Variants in TRAPPC10 observed in about 807,000 individuals in gnomAD.
The protein encoded by TRAPPC10 is TRAPP 130 kDa subunit.
Under a neutral mutation model 125.5 loss-of-function variants are expected in TRAPPC10, and 23 were observed. The ratio of observed to expected loss-of-function variants is 0.18; its 90% CI spans 0.13 to 0.26. The LOEUF (loss-of-function observed/expected upper bound fraction) is 0.26, where lower values mean the gene tolerates loss of function less well. Among genes scored for constraint, TRAPPC10 ranks in the 10% least tolerant of loss-of-function variants. TRAPPC10 has a pLI of 1.00. For missense variants in TRAPPC10, 1,123 were observed against 1,308.4 expected, an observed-to-expected ratio of 0.86 and a Z score of 2.19; for synonymous variants, 509 against 518.0, an observed-to-expected ratio of 0.98 and a Z score of 0.24.
At chr21:44,084,468 T>A (rs760548982) in intron 15 of TRAPPC10, among the ~76,000 whole-genome samples, 26 of 152,230 alleles carry the variant, frequency 1.7e-4, no homozygotes, top group Non-Finnish European at 2.9e-4. Flanking sequence ...TGCTTTTTCA[T>A]GTTTAATAAA....
chr21:44,055,604 G>T, intron 4 of TRAPPC10, 94 bp from the exon 5 acceptor site: 3 of 989,582 alleles, frequency 3.0e-6, no homozygotes, highest in Non-Finnish European at 4.3e-6. Context: ...GGAGGAGGAA[G>T]GAAGAAAATT....
intron 2 of TRAPPC10, among the ~76,000 whole-genome samples, chr21:44,034,234 G>C (rs1237558929): frequency 1.3e-5 from 2 of 152,176 alleles, no homozygotes; most frequent in East Asian, 1.9e-4. Flanking sequence ...AGCAGGGCTG[G>C]AGATGGGGGT....
In TRAPPC10 at chr21:44,063,313, TGGGCATGGTAG is replaced by T; in HGVS notation, c.791-222_791-212del. On this transcript the variant is annotated intron_variant, in intron 6 of 22. Coordinates refer to ENST00000291574, the MANE Select transcript of TRAPPC10 (RefSeq NM_003274.5). This position sits in a 1 kb window ranked among gnomAD's most constrained non-coding sequence, Gnocchi z 4.4. ...TGTTCAGCTCCCGCCCATGACTTTCTGGGCATGGTAGGGTGGTGTGCCTTGTTGCCTGGGTC... is the reference window on the plus strand; with the variant it reads ...TGTTCAGCTCCCGCCCATGACTTTCTGGTGGTGTGCCTTGTTGCCTGGGTC... The T allele has an allele frequency of 1.7e-6, 2 of 1,172,248 alleles. No individual in the cohort carries two copies. The highest frequency in any genetic ancestry group is 2.3e-6 in the Non-Finnish European group (2 of 875,114). The allele number at this position is 1,172,248 out of a possible 1,614,324, so 72.6% of individuals were successfully genotyped here.
At chr21:44,065,927 C>G (rs1411016914) in intron 7 of TRAPPC10, among the ~76,000 whole-genome samples, 2 of 152,178 alleles carry the variant, frequency 1.3e-5, no homozygotes, top group African/African-American at 2.4e-5. Flanking sequence ...TCTGGAACTT[C>G]CGGGCTCAAG....
chr21:44,088,025 C>T (rs747273198), intron 17 of TRAPPC10, 97 bp downstream of exon 17: 71 of 1,063,084 alleles, frequency 6.7e-5, no homozygotes, highest in Middle Eastern at 5.9e-4. Context: ...GTTAGCCTGG[C>T]TCCTTCTGAT....
intron 2 of TRAPPC10, among the ~76,000 whole-genome samples, chr21:44,035,955 G>A (rs982400601): frequency 5.3e-5 from 8 of 152,148 alleles, no homozygotes; most frequent in Non-Finnish European, 7.4e-5. Context: ...TAGAGACTCG[G>A]GAGATCATTG....
chr21:44,015,293 A>G (rs967748137), intron 1 of TRAPPC10, among the ~76,000 whole-genome samples: 2 of 152,340 alleles, frequency 1.3e-5, no homozygotes, highest in East Asian at 3.9e-4. Flanking sequence ...ATAGAATGTA[A>G]CTGGTTCAGG....
Position 44,084,190 on chromosome 21 carries a change from C to G in TRAPPC10, c.2307C>G (p.Leu769=). ...CASVGSVWFV[L]PHIYPIVQYD... is the part of the protein sequence containing the mutation. The stretch of plus-strand genomic sequence containing the variant: ...CGGTGGGCTCCGTGTGGTTCGTCCT[C>G]CCTCACATCTACCCCATTGTGCAGT... The change falls in exon 15 of 23, where the codon CTC becomes CTG. Residue 769 remains leucine, a synonymous_variant. Coordinates refer to ENST00000291574, the MANE Select transcript of TRAPPC10 (RefSeq NM_003274.5). The G allele has an allele frequency of 1.2e-6, 2 of 1,614,184 alleles. No homozygotes were observed. Among genetic ancestry groups the G allele is most frequent in the Non-Finnish European group, 1.7e-6 (2 of 1,180,038 alleles).
chr21:44,075,145 C>A lies in TRAPPC10; in HGVS notation c.1292C>A (p.Pro431Gln), dbSNP rs141086300. The stretch of plus-strand genomic sequence containing the variant: ...TTGGCAGGTTTGGGAGCTGAGCGAC[C>A]AGAAACAGGTACTTTTTTGTATATA... ...DLLAGLGAER[P>Q]ETANTAQSPY... Residue 431 changes from proline (P) to glutamine (Q), a missense_variant, in exon 9 of 23, where the codon CCA (proline) becomes CAA (glutamine). Pro to Gln is a moderately conservative substitution (Grantham distance 76). This residue lies in a region of TRAPPC10 where 840 missense variants were observed against 902.0 expected (regional missense o/e 0.93). Transcript: ENST00000291574. 1.9e-6 allele frequency: 3 copies of A among 1,613,086 alleles called. No individual in the cohort carries two copies. The highest frequency in any genetic ancestry group is 1.3e-5 in the African/African-American group (1 of 74,882).
chr21:44,037,965 G>A lies in TRAPPC10; in HGVS notation c.285+38G>A, dbSNP rs777001557. The stretch of plus-strand genomic sequence containing the variant: ...AGGGGAAGAGGATGCGCGGTGGGAT[G>A]GGGTTGGAGATGCGTGGAGAGTGCT... On this transcript the variant is annotated intron_variant, in intron 3 of 22. Coordinates refer to ENST00000291574, the MANE Select transcript of TRAPPC10 (RefSeq NM_003274.5). The A allele has an allele frequency of 2.5e-5, 40 of 1,606,578 alleles. No homozygotes were observed. In the Admixed American group the frequency reaches 6.7e-4, roughly 27 times the overall value.
rs115933353 is a variant in TRAPPC10 at position 44,070,041 on chromosome 21, C to T, written c.1039-4283C>T. 2.9e-3 allele frequency among the ~76,000 whole-genome samples: 438 copies of T among 152,132 alleles called. 2 individuals are homozygous for T. The highest frequency in any genetic ancestry group is 9.4e-3 in the African/African-American group (392 of 41,504). ...TTTGATTCCTTGTGTCTGAAGTTCACGGTGAAGCTACACCAGTCTGCTGTG... is the reference window on the plus strand; with the variant it reads ...TTTGATTCCTTGTGTCTGAAGTTCATGGTGAAGCTACACCAGTCTGCTGTG... On this transcript the variant is annotated intron_variant, in intron 7 of 22. Transcript: ENST00000291574.
At chr21:44,068,151 C>G (rs555991659) in intron 7 of TRAPPC10, among the ~76,000 whole-genome samples, 1 of 151,100 alleles carries the variant, frequency 6.6e-6, no homozygotes, top group South Asian at 2.1e-4. Flanking sequence ...ATTCACTTAT[C>G]AGATCTTCAT....
intron 5 of TRAPPC10, among the ~76,000 whole-genome samples, chr21:44,058,718 C>T (rs1164852123): frequency 6.6e-6 from 1 of 152,174 alleles, no homozygotes; most frequent in African/African-American, 2.4e-5. Flanking sequence ...AGTCCAAGGG[C>T]GGAGCCCTGC....
chr21:44,069,286 G>A (rs981624563), intron 7 of TRAPPC10, among the ~76,000 whole-genome samples: 18 of 151,946 alleles, frequency 1.2e-4, no homozygotes, highest in Non-Finnish European at 2.9e-5. Flanking sequence ...GACAAGAAAG[G>A]GCCCTTACTC....
chr21:44,092,072 C>A (rs1361334959), intron 19 of TRAPPC10, 23 bp downstream of exon 19: 3 of 1,611,732 alleles, frequency 1.9e-6, no homozygotes, highest in Non-Finnish European at 2.5e-6. Context: ...TAGACCTGAG[C>A]ATAAACTTCT....
chr21:44,028,286 C>T (rs1197450326), intron 1 of TRAPPC10, among the ~76,000 whole-genome samples: 1 of 152,174 alleles, frequency 6.6e-6, no homozygotes, highest in Admixed American at 6.5e-5. Flanking sequence ...CTGATTGGTC[C>T]ATGTAATCAG....
At chr21:44,016,144 A>G (rs1261319960) in intron 1 of TRAPPC10, among the ~76,000 whole-genome samples, 1 of 152,252 alleles carries the variant, frequency 6.6e-6, no homozygotes. Flanking sequence ...GAAAACTTGT[A>G]GTATATTTTA....
chr21:44,037,356 CT>C (rs1482377398), intron 2 of TRAPPC10, among the ~76,000 whole-genome samples: 4 of 152,156 alleles, frequency 2.6e-5, no homozygotes, highest in Admixed American at 2.6e-4. Context: ...AACTTTGTTT[CT>C]TGGATAAAAT....
intron 7 of TRAPPC10, among the ~76,000 whole-genome samples, chr21:44,067,323 A>G (rs1480380597): frequency 6.6e-6 from 1 of 152,200 alleles, no homozygotes; most frequent in African/African-American, 2.4e-5. Context: ...GGCAGAGGAC[A>G]AAGGCAGAGA....
Sources: gnomAD v4.1 joint callset for allele counts (sites outside exome capture counted in the v4.1 genomes callset) on GRCh38, gnomAD v4.1.1 for gene constraint, gnomAD v4.1.1 regional missense constraint, Gnocchi (gnomAD v3.1) non-coding constraint, MANE v1.5 for transcripts, NCBI Gene and HGNC (gene_info 2026-07-23, HGNC 2026-07-21) for gene names.